The following DBT variants were observed in gnomAD, a reference collection of about 807,000 sequenced individuals.
The protein encoded by DBT is lipoamide acyltransferase component of branched-chain alpha-keto acid dehydrogenase complex, mitochondrial.
DBT carries 40 observed loss-of-function variants against 51.3 expected under a neutral mutation model. The observed-to-expected ratio is 0.78, with a 90% CI of 0.61 to 1.02. The LOEUF (loss-of-function observed/expected upper bound fraction) is 1.02. Among genes scored for constraint, DBT ranks in the 50% least tolerant of loss-of-function variants. The pLI, the probability that DBT is intolerant of heterozygous loss-of-function variation, is 0.00. For synonymous variants in DBT, 181 were observed against 190.4 expected, an observed-to-expected ratio of 0.95 and a Z score of 0.41; for missense variants, 510 against 580.2, an observed-to-expected ratio of 0.88 and a Z score of 1.24.
At chr1:100,242,223 T>C (rs182425577) in intron 1 of DBT, among the ~76,000 whole-genome samples, 3 of 152,054 alleles carry the variant, frequency 2.0e-5, no homozygotes, top group African/African-American at 7.2e-5. Flanking sequence ...AAAAAAATCA[T>C]GTACATTAGT....
chr1:100,247,870 G>A (rs2100858825), intron 1 of DBT, among the ~76,000 whole-genome samples: 1 of 151,780 alleles, frequency 6.6e-6, no homozygotes, highest in East Asian at 1.9e-4. Context: ...GGGAGGCCAA[G>A]GCAGGCGGAT....
At chr1:100,218,784 A>T in intron 4 of DBT, 37 bp from the exon 5 acceptor site, 1 of 1,609,350 alleles carries the variant, frequency 6.2e-7, no homozygotes, top group Non-Finnish European at 8.5e-7. Flanking sequence ...AGTTGAAAAA[A>T]AATTTTTTTT....
intron 2 of DBT, among the ~76,000 whole-genome samples, chr1:100,235,775 G>A (rs997085095): frequency 2.0e-5 from 3 of 152,000 alleles, no homozygotes; most frequent in Admixed American, 6.6e-5. Flanking sequence ...CTGTTATAAG[G>A]CTATAAAAGG....
Position 100,239,012 on chromosome 1 carries a change from T to C in DBT, c.175+1749A>G, listed in dbSNP as rs143399884. Among the ~76,000 whole-genome samples the C allele has an allele frequency of 1.1e-4, 17 of 152,354 alleles. No homozygotes were observed. The East Asian group carries it at 2.9e-3, about 26-fold the overall frequency. ...AGTATATGTAAGCAGTATTAGTATA[T>C]CTAAGCAGTATTAGAGTATGTAAGT... On this transcript the variant is annotated intron_variant, in intron 2 of 10. Transcript: ENST00000370132.
At chr1:100,227,808 T>G (rs1399495920) in intron 4 of DBT, among the ~76,000 whole-genome samples, 1 of 152,100 alleles carries the variant, frequency 6.6e-6, no homozygotes. Context: ...TCAGCCTTTA[T>G]TTTTTAATTT....
At chr1:100,216,790 A>G (rs541641615) in intron 5 of DBT, among the ~76,000 whole-genome samples, 13 of 152,172 alleles carry the variant, frequency 8.5e-5, no homozygotes, top group Non-Finnish European at 1.8e-4. Context: ...GCTCTCTCAA[A>G]TTAGTTATTT....
At chr1:100,242,122 C>A (rs969582925) in intron 1 of DBT, among the ~76,000 whole-genome samples, 9 of 152,058 alleles carry the variant, frequency 5.9e-5, no homozygotes, top group Admixed American at 1.3e-4. Context: ...CCTGAGCTTA[C>A]TTCTCTGCAG....
chr1:100,213,514 C>T lies in DBT; in HGVS notation c.939+1303G>A, dbSNP rs1662286452. 8 of 1,543,270 alleles carry T rather than the reference C, an allele frequency of 5.2e-6. No homozygotes were observed. The South Asian group carries it at 6.7e-5, about 13-fold the overall frequency. ...GCTATCCTACCAACTCTATCGTGGT[C>T]GTGGGAGGCTGTCCCGTCTGCAGGG... On this transcript the variant is annotated intron_variant, in intron 7 of 10. Coordinates refer to ENST00000370132, the MANE Select transcript of DBT (RefSeq NM_001918.5).
At chr1:100,247,753 GC>G (rs1343585317) in intron 1 of DBT, among the ~76,000 whole-genome samples, 1 of 150,976 alleles carries the variant, frequency 6.6e-6, no homozygotes, top group Non-Finnish European at 1.5e-5. Context: ...AGTTCTAGAG[GC>G]TGGAGAGTCT....
Position 100,218,757 on chromosome 1 carries a change from A to G in DBT, c.434-10T>C, listed in dbSNP as rs1185699417. The stretch of plus-strand genomic sequence containing the variant: ...ACATCTTCTTCTGAATCTGGTAACA[A>G]GGTAAAACTTAACTTCAGTTGAAAA... On this transcript the variant is annotated splice_polypyrimidine_tract_variant and intron_variant, in intron 4 of 10. Coordinates refer to ENST00000370132, the MANE Select transcript of DBT (RefSeq NM_001918.5). 2 of 1,613,310 alleles carry G rather than the reference A, an allele frequency of 1.2e-6. No individual in the cohort carries two copies. The highest frequency in any genetic ancestry group is 2.2e-5 in the South Asian group (2 of 90,886).
chr1:100,202,035 G>A (rs889985219), intron 10 of DBT, among the ~76,000 whole-genome samples: 3 of 152,028 alleles, frequency 2.0e-5, no homozygotes, highest in African/African-American at 7.2e-5. Context: ...ATAATGACAG[G>A]ATCAAATTTG....
chr1:100,243,715 T>C (rs1664366033), intron 1 of DBT, among the ~76,000 whole-genome samples: 1 of 152,112 alleles, frequency 6.6e-6, no homozygotes, highest in African/African-American at 2.4e-5. Context: ...GTGAAGTAAT[T>C]TGTCCAAGGT....
chr1:100,190,491 G>A lies in DBT; in HGVS notation c.*5764C>T, dbSNP rs919697914. The A allele has an allele frequency of 5.9e-5, 9 of 152,190 alleles. No individual in the cohort carries two copies. The highest frequency in any genetic ancestry group is 2.2e-4 in the African/African-American group (9 of 41,428). The allele number at this position is 152,190 out of a possible 1,614,324, so 9.4% of individuals were successfully genotyped here. On this transcript the variant is annotated 3_prime_UTR_variant, in exon 11 of 11. Coordinates refer to ENST00000370132, the MANE Select transcript of DBT (RefSeq NM_001918.5). ...CCACAATGAAATTTGTAGAGGTCTG[G>A]GATCAGTCTCTAATACCTCCTCCAT...
At chr1:100,229,445 C>T (rs148847506) in intron 4 of DBT, among the ~76,000 whole-genome samples, 3 of 152,138 alleles carry the variant, frequency 2.0e-5, no homozygotes, top group Admixed American at 1.3e-4. Flanking sequence ...AGATTACAGG[C>T]GTGAGCCACT....
At chr1:100,210,826 G>T in intron 7 of DBT, 55 bp from the exon 8 acceptor site, 2 of 1,601,346 alleles carry the variant, frequency 1.2e-6, no homozygotes, top group Non-Finnish European at 1.7e-6. Flanking sequence ...AAAGGATAGA[G>T]AATTTGAAAC....
rs147219854 is a variant in DBT at position 100,193,933 on chromosome 1, T to C, written c.*2322A>G. The C allele has an allele frequency of 1.3e-5, 2 of 152,336 alleles. No individual in the cohort carries two copies. Among genetic ancestry groups the C allele is most frequent in the East Asian group, 3.9e-4 (2 of 5,186 alleles). 9.4% of individuals were successfully genotyped at this position (152,336 alleles called of 1,614,324 possible). ...CCATTTAAAGCATGACAATGTGGAA[T>C]TGTTTATTGACATGTAAGGTTACCC... On this transcript the variant is annotated 3_prime_UTR_variant, in exon 11 of 11. Coordinates refer to ENST00000370132, the MANE Select transcript of DBT (RefSeq NM_001918.5).
intron 10 of DBT, among the ~76,000 whole-genome samples, chr1:100,204,690 C>T (rs1013359787): frequency 2.6e-5 from 4 of 152,098 alleles, no homozygotes; most frequent in African/African-American, 9.7e-5. Flanking sequence ...CATCATGCTA[C>T]CTGACCTCAA....
chr1:100,241,459 G>C (rs1664206215), intron 1 of DBT, among the ~76,000 whole-genome samples: 2 of 150,998 alleles, frequency 1.3e-5, no homozygotes, highest in Admixed American at 6.6e-5. Flanking sequence ...GCAGTGGTGC[G>C]ATCACAGTTC....
chr1:100,196,395 C>G lies in DBT; in HGVS notation c.1309G>C (p.Glu437Gln), dbSNP rs772490888. The change falls in exon 11 of 11, where the codon GAA (glutamate) becomes CAA (glutamine). Residue 437 changes from glutamate (E) to glutamine (Q), a missense_variant. Transcript: ENST00000370132. ...TTCATTATCTGTGCCTTATATACTT[C>G]TCCTTTCTGGTTAAATCGGGGAATG... is the stretch of plus-strand genomic sequence containing the variant. ...KAIPRFNQKG[E>Q]VYKAQIMNVS... 1 of 1,303,730 alleles carries G rather than the reference C, an allele frequency of 7.7e-7. No homozygotes were observed. Among genetic ancestry groups the G allele is most frequent in the Non-Finnish European group, 1.1e-6 (1 of 939,488 alleles). 80.8% of individuals were successfully genotyped at this position (1,303,730 alleles called of 1,614,324 possible).
Sources: gnomAD v4.1 joint callset for allele counts (sites outside exome capture counted in the v4.1 genomes callset) on GRCh38, gnomAD v4.1.1 for gene constraint, MANE v1.5 for transcripts, NCBI Gene and HGNC (gene_info 2026-07-23, HGNC 2026-07-21) for gene names.